The following ELL2 variants were observed in gnomAD, a reference collection of about 807,000 sequenced individuals.
ELL2 encodes the protein elongation factor for RNA polymerase II 2.
In ELL2, 21 loss-of-function variants were observed where a neutral mutation model predicts 72.8. That is an observed-to-expected ratio of 0.29 (90% CI 0.20 to 0.42). The LOEUF (loss-of-function observed/expected upper bound fraction) is 0.42, where lower values mean the gene tolerates loss of function less well. ELL2 is among the 10% of genes least tolerant of loss of function. The pLI is 1.00. For missense variants in ELL2, 568 were observed against 772.8 expected, an observed-to-expected ratio of 0.73 and a Z score of 3.14; for synonymous variants, 266 against 283.2, an observed-to-expected ratio of 0.94 and a Z score of 0.61.
At position 95,914,805 on chromosome 5, in the gene ELL2, A is replaced by ACTGCACT. The variant is rs1749724260; in HGVS notation, c.318-878_318-872dup. On this transcript the variant is annotated intron_variant, in intron 3 of 11. Transcript: ENST00000237853. ...GGTTGCAGTAAGCTGAGATGGCGCCACTGCACTCCAGCCTGGGCAACAGAA... is the reference window on the plus strand; with the variant it reads ...GGTTGCAGTAAGCTGAGATGGCGCCACTGCACTCTGCACTCCAGCCTGGGCAACAGAA... 2.0e-5 allele frequency among the ~76,000 whole-genome samples: 3 copies of ACTGCACT among 152,142 alleles called. No homozygotes were observed. The South Asian group carries it at 6.2e-4, about 32-fold the overall frequency.
intron 1 of ELL2, among the ~76,000 whole-genome samples, chr5:95,947,588 T>C (rs1751209892): frequency 6.6e-6 from 1 of 152,206 alleles, no homozygotes; most frequent in East Asian, 1.9e-4. Flanking sequence ...GAATAAATAA[T>C]GAGTCTCTAA....
At chr5:95,959,047 T>C (rs1033778062) in intron 1 of ELL2, among the ~76,000 whole-genome samples, 2 of 151,920 alleles carry the variant, frequency 1.3e-5, no homozygotes, top group Admixed American at 6.6e-5. Context: ...AACACTAGGG[T>C]ATAGGAAGCA....
chr5:95,944,312 T>C (rs1291275370), intron 1 of ELL2, among the ~76,000 whole-genome samples: 1 of 152,200 alleles, frequency 6.6e-6, no homozygotes, highest in East Asian at 1.9e-4. Context: ...AATATCTTCT[T>C]GGAGAAAACA....
intron 1 of ELL2, among the ~76,000 whole-genome samples, chr5:95,959,790 T>C (rs1490595929): frequency 6.6e-6 from 1 of 152,194 alleles, no homozygotes; most frequent in African/African-American, 2.4e-5. Flanking sequence ...TTTCACCATA[T>C]GCTTCTCTGG....
At chr5:95,905,440 T>TGAC (rs137889164) in intron 5 of ELL2, among the ~76,000 whole-genome samples, 6,586 of 152,230 alleles carry the variant, frequency 0.043, 248 homozygotes, top group African/African-American at 0.092. Flanking sequence ...ATTTGTAACC[T>TGAC]GACTCTCACT....
intron 1 of ELL2, among the ~76,000 whole-genome samples, chr5:95,949,493 T>C (rs1751294237): frequency 1.3e-5 from 2 of 152,162 alleles, no homozygotes; most frequent in African/African-American, 4.8e-5. Flanking sequence ...CTTTATTCTT[T>C]AAGGTTAGAG....
At chr5:95,898,974 CAAAA>C (rs912298137) in intron 7 of ELL2, among the ~76,000 whole-genome samples, 164 bp from the exon 8 acceptor site, 1 of 151,846 alleles carries the variant, frequency 6.6e-6, no homozygotes, top group Admixed American at 6.6e-5. Context: ...AACAAACAAA[CAAAA>C]AACCCAAACA....
chr5:95,934,368 TGA>T (rs1414561702), intron 2 of ELL2, among the ~76,000 whole-genome samples: 1 of 152,206 alleles, frequency 6.6e-6, no homozygotes, highest in Non-Finnish European at 1.5e-5. Flanking sequence ...TATTGCATTC[TGA>T]GTTTTATTAC....
At position 95,937,368 on chromosome 5, in the gene ELL2, T is replaced by A. The variant is rs538411227; in HGVS notation, c.195+5634A>T. 2.6e-5 allele frequency among the ~76,000 whole-genome samples: 4 copies of A among 152,264 alleles called. No individual in the cohort carries two copies. The South Asian group carries it at 8.3e-4, about 32-fold the overall frequency. On this transcript the variant is annotated intron_variant, in intron 2 of 11. Transcript: ENST00000237853. The stretch of plus-strand genomic sequence containing the variant: ...GAGTACTCTAGTCAATTTACAATAG[T>A]TTCAAAGTATGATTCAATTATTGTG...
At chr5:95,938,726 T>C (rs1486741373) in intron 2 of ELL2, among the ~76,000 whole-genome samples, 1 of 152,062 alleles carries the variant, frequency 6.6e-6, no homozygotes, top group Non-Finnish European at 1.5e-5. Context: ...CAAAAAATAA[T>C]TATTATTTTA....
chr5:95,929,884 T>G (rs1750535904), intron 2 of ELL2, among the ~76,000 whole-genome samples: 1 of 152,058 alleles, frequency 6.6e-6, no homozygotes, highest in Non-Finnish European at 1.5e-5. Flanking sequence ...TTATGCTATG[T>G]TTAGCCCCAA....
rs150632934 is a variant in ELL2, at chr5:95,898,438, C to T, written c.1327G>A (p.Val443Ile). 9.9e-6 allele frequency: 16 copies of T among 1,613,434 alleles called. No homozygotes were observed. Among genetic ancestry groups the T allele is most frequent in the African/African-American group, 5.3e-5 (4 of 74,872 alleles). Residue 443 changes from valine (V) to isoleucine (I), a missense_variant, in exon 8 of 12, where the codon GTT (valine) becomes ATT (isoleucine). This residue lies in a region of ELL2 where 511 missense variants were observed against 728.4 expected (regional missense o/e 0.70). Coordinates refer to ENST00000237853, the MANE Select transcript of ELL2 (RefSeq NM_012081.6). ...TSLETLPPGS[V>I]LLKCPKPMEE... ...ATAGGCTTTGGACACTTTAGTAGAA[C>T]GGAACCAGGGGGTAAGGTTTCCAGA...
intron 2 of ELL2, among the ~76,000 whole-genome samples, chr5:95,929,179 G>A (rs1750503117): frequency 6.6e-6 from 1 of 151,884 alleles, no homozygotes; most frequent in South Asian, 2.1e-4. Context: ...TCACTACATT[G>A]TATATGCTAA....
At chr5:95,910,354 C>A (rs933969918) in intron 4 of ELL2, among the ~76,000 whole-genome samples, 3 of 151,778 alleles carry the variant, frequency 2.0e-5, no homozygotes, top group Non-Finnish European at 2.9e-5. Context: ...AATATTAGTA[C>A]ATATAAAAAT....
chr5:95,944,849 A>G (rs3777174), intron 1 of ELL2, among the ~76,000 whole-genome samples: 5,876 of 152,298 alleles, frequency 0.039, 186 homozygotes, highest in Admixed American at 0.077. Flanking sequence ...CAGCTCACCA[A>G]TGAAATTTGA....
intron 1 of ELL2, among the ~76,000 whole-genome samples, chr5:95,945,373 G>A (rs1039143317): frequency 3.3e-5 from 5 of 152,124 alleles, no homozygotes; most frequent in African/African-American, 4.8e-5. Context: ...TAGAATCACA[G>A]GATTCCAAAT....
At position 95,961,685 on chromosome 5, in the gene ELL2, G is replaced by T; in HGVS notation, c.37C>A (p.Gln13Lys). ...AGGTGGLREEQRYGLSCGRLG... is the reference protein window; with the variant it reads ...AGGTGGLREEKRYGLSCGRLG... ...CGTCCGCACGACAGCCCATAGCGCT[G>T]CTCCTCCCGCAGGCCCCCTGTCCCC... The change falls in exon 1 of 12, where the codon CAG becomes AAG. Residue 13 changes from glutamine (Q) to lysine (K), a missense_variant. Gln to Lys is a moderately conservative substitution (Grantham distance 53). Coordinates refer to ENST00000237853, the MANE Select transcript of ELL2 (RefSeq NM_012081.6). 1 of 1,605,490 alleles carries T rather than the reference G, an allele frequency of 6.2e-7. No individual in the cohort carries two copies.
chr5:95,891,020 T>G, intron 10 of ELL2, 83 bp downstream of exon 10: 2 of 1,561,200 alleles, frequency 1.3e-6, no homozygotes, highest in Non-Finnish European at 1.8e-6. Context: ...TAAAGGCCAC[T>G]GTGATGGCTG....
At chr5:95,921,655 G>A (rs1049370499) in intron 2 of ELL2, among the ~76,000 whole-genome samples, 11 of 152,190 alleles carry the variant, frequency 7.2e-5, no homozygotes, top group African/African-American at 2.4e-4. Flanking sequence ...GAATGCTTGC[G>A]TCAGGCACAA....
Sources: allele counts gnomAD v4.1 joint callset (sites outside exome capture counted in the v4.1 genomes callset), GRCh38; gene constraint gnomAD v4.1.1; regional missense constraint gnomAD v4.1.1; transcripts MANE v1.5; gene names NCBI Gene and HGNC (gene_info 2026-07-23, HGNC 2026-07-21).